The following CACNA2D3 variants were observed in gnomAD, a reference collection of about 807,000 sequenced individuals.
CACNA2D3 encodes voltage-dependent calcium channel subunit alpha-2/delta-3.
Under a neutral mutation model 160.6 loss-of-function variants are expected in CACNA2D3, and 60 were observed. The ratio of observed to expected loss-of-function variants is 0.37; its 90% CI spans 0.30 to 0.46. CACNA2D3 has a LOEUF of 0.46. CACNA2D3 is among the 20% of genes least tolerant of loss of function. The pLI is 1.00. For synonymous variants in CACNA2D3, 558 were observed against 492.9 expected (o/e 1.13, Z -1.75); for missense variants, 1,205 against 1,365.0 (o/e 0.88, Z 1.85).
intron 35 of CACNA2D3, among the ~76,000 whole-genome samples, chr3:55,067,697 T>C (rs1704694678): frequency 6.6e-6 from 1 of 151,768 alleles, no homozygotes; most frequent in Non-Finnish European, 1.5e-5. Context: ...CTGACCTTTA[T>C]TTATACATCC....
chr3:54,997,039 G>A (rs1449923532), intron 31 of CACNA2D3, among the ~76,000 whole-genome samples: 1 of 152,104 alleles, frequency 6.6e-6, no homozygotes, highest in Admixed American at 6.5e-5. Context: ...GAGGACTAGG[G>A]GAGGGATAGC....
Position 54,413,040 on chromosome 3 carries a change from C to A in CACNA2D3, c.381+26266C>A, listed in dbSNP as rs867293483. ...TTGTTATTTCTCTTCAGCTTAAAGA[C>A]CCCTTTTAGCAATTTTTAATTTTTG... On this transcript the variant is annotated intron_variant, in intron 4 of 37. Transcript: ENST00000474759. Among the ~76,000 whole-genome samples the A allele has an allele frequency of 1.1e-4, 16 of 151,900 alleles. 1 individual carries two copies. Among genetic ancestry groups the A allele is most frequent in the African/African-American group, 3.1e-4 (13 of 41,546 alleles).
At chr3:54,965,363 G>A (rs1702124900) in intron 27 of CACNA2D3, among the ~76,000 whole-genome samples, 1 of 152,068 alleles carries the variant, frequency 6.6e-6, no homozygotes, top group Non-Finnish European at 1.5e-5. Flanking sequence ...CTTTAAAAAG[G>A]TTCTCTCCCT....
At chr3:54,835,822 A>T (rs1407543043) in intron 14 of CACNA2D3, among the ~76,000 whole-genome samples, 1 of 152,202 alleles carries the variant, frequency 6.6e-6, no homozygotes, top group Non-Finnish European at 1.5e-5. Flanking sequence ...GGACTCTGCT[A>T]CTTACTAGCT....
At chr3:54,315,943 A>G (rs925674618) in intron 2 of CACNA2D3, among the ~76,000 whole-genome samples, 1 of 152,174 alleles carries the variant, frequency 6.6e-6, no homozygotes, top group African/African-American at 2.4e-5. Context: ...TATATTTTTG[A>G]ATGTGAAATA....
chr3:54,281,097 C>T (rs1702869609), intron 2 of CACNA2D3, among the ~76,000 whole-genome samples: 2 of 152,186 alleles, frequency 1.3e-5, no homozygotes, highest in South Asian at 4.1e-4. Flanking sequence ...CTGGCTGAGG[C>T]CCTGGCTCCT....
At chr3:54,550,115 C>T (rs1378001861) in intron 5 of CACNA2D3, among the ~76,000 whole-genome samples, 1 of 152,148 alleles carries the variant, frequency 6.6e-6, no homozygotes, top group Non-Finnish European at 1.5e-5. Context: ...GACAAGGCTT[C>T]AAATCCCATA....
intron 5 of CACNA2D3, among the ~76,000 whole-genome samples, chr3:54,524,918 G>GTACTTGGTGCATTTTA (rs1701701316): frequency 1.3e-5 from 2 of 152,008 alleles, no homozygotes; most frequent in Admixed American, 1.3e-4. Flanking sequence ...TAGATAACAT[G>GTACTTGGTGCATTTTA]TACTTGGTGC....
Position 54,320,661 on chromosome 3 carries a change from G to C in CACNA2D3, c.321+103G>C, listed in dbSNP as rs1343230367. ...CTCTCAAAGATAAAAGTTGACTCAC[G>C]CATCTATTACGTAAATACTTTTATT... On this transcript the variant is annotated intron_variant, in intron 3 of 37. Transcript: ENST00000474759. 1.0e-5 allele frequency: 6 copies of C among 572,744 alleles called. No homozygotes were observed. The Admixed American group carries it at 2.3e-4, about 22-fold the overall frequency. The allele number at this position is 572,744 out of a possible 1,614,324, so 35.5% of individuals were successfully genotyped here. A position where few individuals can be genotyped will look rare whatever the true frequency, so the allele number is the denominator to read the frequency against.
chr3:54,442,951 A>AG (rs1559482312), intron 4 of CACNA2D3, among the ~76,000 whole-genome samples: 2 of 151,986 alleles, frequency 1.3e-5, no homozygotes, highest in Non-Finnish European at 2.9e-5. Flanking sequence ...TCCACCATAT[A>AG]GTAGCCTCTT....
chr3:54,881,721 G>A lies in CACNA2D3; in HGVS notation c.1912+858G>A, dbSNP rs58095112. On this transcript the variant is annotated intron_variant, in intron 21 of 37. Coordinates refer to ENST00000474759, the MANE Select transcript of CACNA2D3 (RefSeq NM_018398.3). ...GCCCAGAACAGTAGTCTTTCTGGAT[G>A]TCTTTAGGGAGGACAGCCAGGAATG... Among the ~76,000 whole-genome samples the A allele has an allele frequency of 3.1e-3, 469 of 152,296 alleles. 5 individuals carry two copies. Among genetic ancestry groups the A allele is most frequent in the African/African-American group, 0.011 (451 of 41,568 alleles).
chr3:54,811,950 T>C (rs949803526), intron 13 of CACNA2D3, among the ~76,000 whole-genome samples: 6 of 152,238 alleles, frequency 3.9e-5, no homozygotes, highest in African/African-American at 1.4e-4. Flanking sequence ...AAGATTACTG[T>C]GAGTTTTCAG....
chr3:54,378,848 T>C (rs1699053296), intron 3 of CACNA2D3, among the ~76,000 whole-genome samples: 2 of 152,214 alleles, frequency 1.3e-5, no homozygotes, highest in South Asian at 4.1e-4. Flanking sequence ...GCTTTGCAAA[T>C]GTTGCACTTT....
chr3:54,895,469 A>G lies in CACNA2D3; in HGVS notation c.2247-1280A>G, dbSNP rs149725797. ...CCTCCTCTCCAAAAGTGGGCACTCC[A>G]TCTTTGGTAGAGGTGAAGGGAACCC... On this transcript the variant is annotated intron_variant, in intron 25 of 37. Transcript: ENST00000474759. 2.4e-4 allele frequency among the ~76,000 whole-genome samples: 36 copies of G among 152,278 alleles called. No individual in the cohort carries two copies. The East Asian group carries it at 5.0e-3, about 21-fold the overall frequency.
intron 35 of CACNA2D3, among the ~76,000 whole-genome samples, chr3:55,050,334 A>G (rs1335818528): frequency 6.6e-6 from 1 of 151,966 alleles, no homozygotes; most frequent in Non-Finnish European, 1.5e-5. Flanking sequence ...GCTTGTCTGT[A>G]AAGTATTTTA....
intron 3 of CACNA2D3, among the ~76,000 whole-genome samples, chr3:54,373,348 G>C (rs1464205471): frequency 6.6e-6 from 1 of 152,168 alleles, no homozygotes; most frequent in Non-Finnish European, 1.5e-5. Flanking sequence ...TTATTACACA[G>C]GGTCCTTCAG....
In CACNA2D3 at chr3:54,908,467, A is replaced by G. The variant is rs1488081469; in HGVS notation, c.2449+8599A>G. Among the ~76,000 whole-genome samples, 5 of 152,146 alleles carry G rather than the reference A, an allele frequency of 3.3e-5. No individual in the cohort carries two copies. In the South Asian group the frequency reaches 6.2e-4, roughly 19 times the overall value. On this transcript the variant is annotated intron_variant, in intron 27 of 37. Coordinates refer to ENST00000474759, the MANE Select transcript of CACNA2D3 (RefSeq NM_018398.3). ...GTGGTGGCTCATGCCTGTAATCCCA[A>G]TGCTTTGGGAGGCTGAGTCAGGTAG... is the stretch of plus-strand genomic sequence containing the variant.
intron 2 of CACNA2D3, among the ~76,000 whole-genome samples, chr3:54,274,895 T>G (rs1172455219): frequency 6.6e-6 from 1 of 152,254 alleles, no homozygotes; most frequent in East Asian, 1.9e-4. Context: ...AGAGCCTTTT[T>G]GTAATCTGAT....
intron 3 of CACNA2D3, among the ~76,000 whole-genome samples, chr3:54,346,011 G>A (rs1293847969): frequency 1.3e-5 from 2 of 151,106 alleles, no homozygotes; most frequent in Non-Finnish European, 2.9e-5. Context: ...GGACTGAGTG[G>A]ACCTTTGGTG....
Sources: allele counts gnomAD v4.1 joint callset (sites outside exome capture counted in the v4.1 genomes callset), GRCh38; gene constraint gnomAD v4.1.1; transcripts MANE v1.5; gene names NCBI Gene and HGNC (gene_info 2026-07-23, HGNC 2026-07-21).